Variants in SLC35F1 observed in about 807,000 individuals in gnomAD.
SLC35F1 encodes solute carrier family 35 member F1, also known as chromosome 6 open reading frame 169.
In SLC35F1, 14 loss-of-function variants were observed where a neutral mutation model predicts 48.7. The observed-to-expected ratio is 0.29, with a 90% CI of 0.19 to 0.45. The LOEUF (loss-of-function observed/expected upper bound fraction) is 0.45, where lower values mean the gene tolerates loss of function less well. Ranked by LOEUF, SLC35F1 falls within the 20% of genes least tolerant of loss-of-function variation. The pLI is 1.00. For synonymous variants in SLC35F1, 190 were observed against 202.2 expected (o/e 0.94, Z 0.51); for missense variants, 404 against 500.0 (o/e 0.81, Z 1.83).
At chr6:118,230,556 G>A (rs997460938) in intron 2 of SLC35F1, among the ~76,000 whole-genome samples, 1 of 152,102 alleles carries the variant, frequency 6.6e-6, no homozygotes, top group Non-Finnish European at 1.5e-5. Flanking sequence ...AAGCCTAGGA[G>A]AATATTTACA....
intron 1 of SLC35F1, among the ~76,000 whole-genome samples, chr6:118,081,045 C>T (rs73525686): frequency 0.015 from 2,250 of 152,248 alleles, 58 homozygotes; most frequent in African/African-American, 0.052. Context: ...GGGTCCTCTG[C>T]TCCATCTCTT....
rs138193027 is a variant in SLC35F1, at chr6:118,105,572, T to C, written c.174-48873T>C. Among the ~76,000 whole-genome samples, 681 of 152,374 alleles carry C rather than the reference T, an allele frequency of 4.5e-3. 10 individuals are homozygous for C. The highest frequency in any genetic ancestry group is 0.014 in the African/African-American group (598 of 41,590). On this transcript the variant is annotated intron_variant, in intron 1 of 7. Coordinates refer to ENST00000360388, the MANE Select transcript of SLC35F1 (RefSeq NM_001029858.4). The stretch of plus-strand genomic sequence containing the variant: ...ATTCCCTCCAATTCATTGATCTTTC[T>C]ACGCATTGCCCAGGCATTTTTTAAT...
intron 2 of SLC35F1, among the ~76,000 whole-genome samples, chr6:118,162,500 TA>T (rs1301720369): frequency 2.6e-5 from 4 of 152,110 alleles, no homozygotes; most frequent in Admixed American, 1.3e-4. Flanking sequence ...ACTATACACT[TA>T]AAAGGAGAGA....
intron 2 of SLC35F1, among the ~76,000 whole-genome samples, chr6:118,163,505 T>G (rs1774271526): frequency 6.6e-6 from 1 of 152,178 alleles, no homozygotes; most frequent in Non-Finnish European, 1.5e-5. Flanking sequence ...TATTAATGAA[T>G]GTCTTCCTGA....
chr6:118,058,939 T>C (rs1373471248), intron 1 of SLC35F1, among the ~76,000 whole-genome samples: 1 of 152,210 alleles, frequency 6.6e-6, no homozygotes, highest in East Asian at 1.9e-4. Flanking sequence ...TGTGGGGCTT[T>C]AAAAATATTC....
intron 1 of SLC35F1, among the ~76,000 whole-genome samples, chr6:117,952,392 C>A (rs1776373915): frequency 6.6e-6 from 1 of 152,132 alleles, no homozygotes; most frequent in African/African-American, 2.4e-5. Context: ...TTTTCCATAG[C>A]CTGAATGCTA....
intron 3 of SLC35F1, among the ~76,000 whole-genome samples, chr6:118,239,881 A>C (rs1376860633): frequency 6.6e-6 from 1 of 152,228 alleles, no homozygotes; most frequent in Non-Finnish European, 1.5e-5. Context: ...CACCTATAAC[A>C]AATAAATCTA....
At chr6:117,925,441 G>T (rs1776015755) in intron 1 of SLC35F1, among the ~76,000 whole-genome samples, 1 of 152,180 alleles carries the variant, frequency 6.6e-6, no homozygotes. Flanking sequence ...TGGACAGAAG[G>T]AAACTAGCTG....
intron 1 of SLC35F1, among the ~76,000 whole-genome samples, chr6:117,943,965 G>C (rs895444503): frequency 2.0e-5 from 3 of 152,146 alleles, no homozygotes; most frequent in African/African-American, 7.2e-5. Flanking sequence ...ACTTCCATGA[G>C]AATGTTTCTT....
intron 1 of SLC35F1, among the ~76,000 whole-genome samples, chr6:118,015,047 C>T (rs1158654054): frequency 1.3e-5 from 2 of 152,206 alleles, no homozygotes; most frequent in Non-Finnish European, 2.9e-5. Context: ...AGTCTCATGA[C>T]ATCTCATGGT....
At chr6:118,141,981 A>G (rs1170610411) in intron 1 of SLC35F1, among the ~76,000 whole-genome samples, 1 of 152,162 alleles carries the variant, frequency 6.6e-6, no homozygotes, top group Admixed American at 6.5e-5. Context: ...CCACAACTTG[A>G]GGGCCTGAGA....
intron 1 of SLC35F1, among the ~76,000 whole-genome samples, chr6:118,082,415 A>T (rs1290947669): frequency 6.6e-6 from 1 of 152,206 alleles, no homozygotes; most frequent in Admixed American, 6.5e-5. Context: ...AAAGTTATGG[A>T]ACAAACAGGC....
At chr6:118,298,997 A>G (rs762249522) in intron 7 of SLC35F1, among the ~76,000 whole-genome samples, 1 of 152,046 alleles carries the variant, frequency 6.6e-6, no homozygotes, top group African/African-American at 2.4e-5. Flanking sequence ...CAACATAGGG[A>G]CACCTCATCT....
intron 1 of SLC35F1, among the ~76,000 whole-genome samples, chr6:118,105,336 C>T (rs1773313409): frequency 6.6e-6 from 1 of 152,180 alleles, no homozygotes; most frequent in South Asian, 2.1e-4. Flanking sequence ...ACATCCTGGG[C>T]CTTAGATCCT....
At chr6:118,058,869 G>C (rs1282584152) in intron 1 of SLC35F1, among the ~76,000 whole-genome samples, 1 of 152,136 alleles carries the variant, frequency 6.6e-6, no homozygotes, top group Non-Finnish European at 1.5e-5. Context: ...TCAGTAGCAA[G>C]ATGCAATTCA....
In SLC35F1 at chr6:117,975,814, A is replaced by G. The variant is rs573283911; in HGVS notation, c.173+67915A>G. On this transcript the variant is annotated intron_variant, in intron 1 of 7. Coordinates refer to ENST00000360388, the MANE Select transcript of SLC35F1 (RefSeq NM_001029858.4). The stretch of plus-strand genomic sequence containing the variant: ...ATTTTTATTTTTCAAGAAATGATTT[A>G]TGACTCTTTAAGAATTTAGAAAAGT... Among the ~76,000 whole-genome samples the G allele has an allele frequency of 1.1e-3, 168 of 152,298 alleles. 1 individual carries two copies. The highest frequency in any genetic ancestry group is 4.8e-3 in the Admixed American group (73 of 15,298).
At chr6:118,118,490 TGCA>T in intron 1 of SLC35F1, among the ~76,000 whole-genome samples, 1 of 152,320 alleles carries the variant, frequency 6.6e-6, no homozygotes, top group South Asian at 2.1e-4. Context: ...GTTTTCAGAA[TGCA>T]GTTGGTACAA....
intron 1 of SLC35F1, among the ~76,000 whole-genome samples, chr6:117,931,926 A>T (rs1032819748): frequency 3.9e-5 from 6 of 152,166 alleles, no homozygotes; most frequent in South Asian, 2.1e-4. Flanking sequence ...CTGTGGTTTG[A>T]ATGTTTGTAT....
At position 117,927,652 on chromosome 6, in the gene SLC35F1, G is replaced by T. The variant is rs181312847; in HGVS notation, c.173+19753G>T. On this transcript the variant is annotated intron_variant, in intron 1 of 7. Transcript: ENST00000360388. ...TCTTTTAGGGCAGGGACTTCTGTTT[G>T]TTTTTCTAATCGCTTAGAACAGTGC... Among the ~76,000 whole-genome samples the T allele has an allele frequency of 9.9e-5, 15 of 152,258 alleles. No individual in the cohort carries two copies. The East Asian group carries it at 2.5e-3, about 25-fold the overall frequency.
Sources: allele counts gnomAD v4.1 joint callset (sites outside exome capture counted in the v4.1 genomes callset), GRCh38; gene constraint gnomAD v4.1.1; transcripts MANE v1.5; gene names NCBI Gene and HGNC (gene_info 2026-07-23, HGNC 2026-07-21).